ANTXR1: variants seen among roughly 807,000 people sequenced by gnomAD.
ANTXR1 encodes the protein anthrax toxin receptor 1.
Under a neutral mutation model 78.1 loss-of-function variants are expected in ANTXR1, and 19 were observed. The observed-to-expected ratio is 0.24, with a 90% CI of 0.17 to 0.36. The LOEUF is 0.36. ANTXR1 is among the 10% of genes least tolerant of loss of function. The probability of loss-of-function intolerance (pLI) is 1.00; values close to 1 mark genes in which losing one functional copy is unlikely to be tolerated. For missense variants in ANTXR1, 518 were observed against 718.6 expected (o/e 0.72, Z 3.19); for synonymous variants, 273 against 260.5 (o/e 1.05, Z -0.46).
intron 12 of ANTXR1, among the ~76,000 whole-genome samples, chr2:69,144,128 G>A (rs1458834936): frequency 1.3e-5 from 2 of 152,186 alleles, no homozygotes; most frequent in African/African-American, 2.4e-5. Flanking sequence ...TGCTTGGGAT[G>A]GTTCTAAATT....
rs186210024 is a variant in ANTXR1 at position 69,161,211 on chromosome 2, G to T, written c.1047+8947G>T. 3.3e-5 allele frequency among the ~76,000 whole-genome samples: 5 copies of T among 152,304 alleles called. No individual in the cohort carries two copies. In the East Asian group the frequency reaches 9.6e-4, roughly 29 times the overall value. ...AGTGACACTGGCATACCATCTGATGGAGACCATGCACAGCCATTCTCTCAC... is the reference window on the plus strand; with the variant it reads ...AGTGACACTGGCATACCATCTGATGTAGACCATGCACAGCCATTCTCTCAC... On this transcript the variant is annotated intron_variant, in intron 13 of 17. Coordinates refer to ENST00000303714, the MANE Select transcript of ANTXR1 (RefSeq NM_032208.3).
At chr2:69,088,724 C>T (rs1671133671) in intron 8 of ANTXR1, among the ~76,000 whole-genome samples, 2 of 152,178 alleles carry the variant, frequency 1.3e-5, no homozygotes, top group South Asian at 2.1e-4. Flanking sequence ...AGTCCTAATA[C>T]GGTGCTATAT....
intron 12 of ANTXR1, among the ~76,000 whole-genome samples, chr2:69,139,399 T>A (rs535252940): frequency 6.6e-6 from 1 of 152,342 alleles, no homozygotes; most frequent in Non-Finnish European, 1.5e-5. Flanking sequence ...TGAGAATCAG[T>A]CCTGACTTTG....
intron 16 of ANTXR1, among the ~76,000 whole-genome samples, chr2:69,183,790 A>G (rs1674346136): frequency 6.6e-6 from 1 of 152,042 alleles, no homozygotes; most frequent in Non-Finnish European, 1.5e-5. Flanking sequence ...TTCAATCTTT[A>G]GCCATGCCCA....
At chr2:69,167,711 C>T (rs1413906076) in intron 13 of ANTXR1, among the ~76,000 whole-genome samples, 1 of 152,172 alleles carries the variant, frequency 6.6e-6, no homozygotes. Context: ...AACCAGAAGC[C>T]GAACCAGTGA....
At chr2:69,213,296 C>T (rs2104500915) in intron 17 of ANTXR1, among the ~76,000 whole-genome samples, 1 of 152,296 alleles carries the variant, frequency 6.6e-6, no homozygotes. Context: ...ACTACATGGA[C>T]CATCTGAAGC....
chr2:69,059,639 C>A (rs560930380), intron 3 of ANTXR1, among the ~76,000 whole-genome samples: 1 of 152,098 alleles, frequency 6.6e-6, no homozygotes, highest in Non-Finnish European at 1.5e-5. Context: ...CCACTATGCC[C>A]GGCTAATTTG....
intron 9 of ANTXR1, among the ~76,000 whole-genome samples, chr2:69,091,174 T>A (rs1671221958): frequency 6.6e-6 from 1 of 151,150 alleles, no homozygotes; most frequent in Non-Finnish European, 1.5e-5. Context: ...GCGCGGCGCC[T>A]TATGCCTGTA....
chr2:69,155,100 G>C (rs928644826), intron 13 of ANTXR1, among the ~76,000 whole-genome samples: 1 of 152,140 alleles, frequency 6.6e-6, no homozygotes, highest in Non-Finnish European at 1.5e-5. Flanking sequence ...CACTGCACTT[G>C]GCCTTTCCCT....
intron 12 of ANTXR1, chr2:69,145,972 T>C (rs1673215297): frequency 1.0e-6 from 1 of 985,372 alleles, no homozygotes; most frequent in African/African-American, 1.7e-5. Flanking sequence ...CTTCTCGTCT[T>C]AAAAGAGAGG....
chr2:69,160,186 T>C (rs1454339167), intron 13 of ANTXR1, among the ~76,000 whole-genome samples: 1 of 152,170 alleles, frequency 6.6e-6, no homozygotes, highest in African/African-American at 2.4e-5. Flanking sequence ...AGCTCTGCCA[T>C]GACCTGCCCT....
intron 17 of ANTXR1, among the ~76,000 whole-genome samples, chr2:69,213,756 G>C (rs904299921): frequency 6.6e-6 from 1 of 152,254 alleles, no homozygotes; most frequent in African/African-American, 2.4e-5. Flanking sequence ...CCATTTCAGA[G>C]TGTCGGGGCA....
chr2:69,037,520 A>T (rs1669477792), intron 1 of ANTXR1, among the ~76,000 whole-genome samples: 1 of 152,090 alleles, frequency 6.6e-6, no homozygotes, highest in African/African-American at 2.4e-5. Flanking sequence ...CCTAGGCTGG[A>T]GTGCAAGGGT....
chr2:69,090,071 T>G (rs1459553274), intron 8 of ANTXR1, among the ~76,000 whole-genome samples: 1 of 152,086 alleles, frequency 6.6e-6, no homozygotes, highest in East Asian at 1.9e-4. Flanking sequence ...TGGACAAGTG[T>G]ACATTTCCAT....
chr2:69,141,513 C>G (rs1673068129), intron 12 of ANTXR1, among the ~76,000 whole-genome samples: 1 of 152,128 alleles, frequency 6.6e-6, no homozygotes, highest in Admixed American at 6.5e-5. Flanking sequence ...CAAGCAGTAC[C>G]TGGTGTGCAG....
rs1224185857 is a variant in ANTXR1 at position 69,110,356 on chromosome 2, C to G, written c.802+7416C>G. 3.3e-5 allele frequency among the ~76,000 whole-genome samples: 5 copies of G among 151,052 alleles called. 1 individual carries two copies. The South Asian group carries it at 1.0e-3, about 32-fold the overall frequency. On this transcript the variant is annotated intron_variant, in intron 10 of 17. Coordinates refer to ENST00000303714, the MANE Select transcript of ANTXR1 (RefSeq NM_032208.3). ...TTCATCACAGTATTGTTTATAATAG[C>G]AAAAGAAAAAATGGAAAGAACAAAG...
At chr2:69,147,942 A>G (rs544885814) in intron 12 of ANTXR1, among the ~76,000 whole-genome samples, 7 of 152,310 alleles carry the variant, frequency 4.6e-5, no homozygotes, top group South Asian at 2.1e-4. Context: ...GTAAGTTAGC[A>G]TTGGACACAG....
chr2:69,145,026 C>G (rs965095989), intron 12 of ANTXR1, among the ~76,000 whole-genome samples: 3 of 152,082 alleles, frequency 2.0e-5, no homozygotes, highest in African/African-American at 7.2e-5. Flanking sequence ...AAAAATGAGG[C>G]CAAAAAATGA....
chr2:69,019,696 C>G (rs1671128658), intron 1 of ANTXR1, among the ~76,000 whole-genome samples: 2 of 152,034 alleles, frequency 1.3e-5, no homozygotes, highest in African/African-American at 4.8e-5. Flanking sequence ...AAGCCTAGTA[C>G]CCATTAGTTA....
Sources: gnomAD v4.1 joint callset for allele counts (sites outside exome capture counted in the v4.1 genomes callset) on GRCh38, gnomAD v4.1.1 for gene constraint, MANE v1.5 for transcripts, NCBI Gene and HGNC (gene_info 2026-07-23, HGNC 2026-07-21) for gene names.